NVL: variants seen among roughly 807,000 people sequenced by gnomAD.
NVL encodes nuclear VCP like, also known as nuclear valosin-containing protein-like.
A neutral mutation model predicts 110.2 loss-of-function variants in NVL; 84 were observed. The observed-to-expected ratio is 0.76, with a 90% CI of 0.64 to 0.91. The LOEUF (loss-of-function observed/expected upper bound fraction) is 0.91, where lower values mean the gene tolerates loss of function less well. Among genes scored for constraint, NVL ranks in the 40% least tolerant of loss-of-function variants. The pLI is 0.00. For synonymous variants in NVL, 354 were observed against 361.1 expected (o/e 0.98, Z 0.22); for missense variants, 882 against 1,035.9 (o/e 0.85, Z 2.04).
At chr1:224,235,331 C>A (rs1384788395) in intron 20 of NVL, among the ~76,000 whole-genome samples, 1 of 152,024 alleles carries the variant, frequency 6.6e-6, no homozygotes, top group Non-Finnish European at 1.5e-5. Flanking sequence ...CCATGCCCGG[C>A]TAATTTTTGT....
intron 17 of NVL, among the ~76,000 whole-genome samples, chr1:224,272,894 C>T (rs549671414): frequency 6.3e-4 from 93 of 147,062 alleles, no homozygotes; most frequent in African/African-American, 2.2e-3. Context: ...ATTAGCCGGG[C>T]GTAGTGGCGG....
chr1:224,273,958 T>A (rs1665461554), intron 17 of NVL, among the ~76,000 whole-genome samples: 1 of 152,038 alleles, frequency 6.6e-6, no homozygotes, highest in Non-Finnish European at 1.5e-5. Flanking sequence ...TTAGTCATCC[T>A]TTTTTGTGTG....
intron 1 of NVL, among the ~76,000 whole-genome samples, chr1:224,327,762 G>A (rs1275138296): frequency 6.6e-6 from 1 of 151,076 alleles, no homozygotes; most frequent in African/African-American, 2.4e-5. Context: ...TCAAGTGTGA[G>A]GACAGAGAAG....
At chr1:224,257,768 G>A (rs542361458) in intron 18 of NVL, among the ~76,000 whole-genome samples, 7 of 152,218 alleles carry the variant, frequency 4.6e-5, no homozygotes, top group Admixed American at 3.9e-4. Context: ...TTGAACTCCT[G>A]AGCTCAAACA....
chr1:224,317,602 T>C, intron 4 of NVL, 92 bp downstream of exon 4: 1 of 751,480 alleles, frequency 1.3e-6, no homozygotes, highest in Non-Finnish European at 2.3e-6. Flanking sequence ...CAGGGCTTTG[T>C]TGGCAATGAA....
At chr1:224,272,357 CAAAT>C (rs2102839497) in intron 17 of NVL, among the ~76,000 whole-genome samples, 1 of 150,966 alleles carries the variant, frequency 6.6e-6, no homozygotes, top group East Asian at 1.9e-4. Flanking sequence ...AAAAAAAAAT[CAAAT>C]AAAAAGAAAC....
intron 19 of NVL, among the ~76,000 whole-genome samples, chr1:224,248,374 A>C (rs934088415): frequency 6.6e-6 from 1 of 152,088 alleles, no homozygotes; most frequent in Non-Finnish European, 1.5e-5. Context: ...GCTTAATTTC[A>C]TAACTTTTAC....
At chr1:224,253,184 A>G (rs1662705676) in intron 18 of NVL, among the ~76,000 whole-genome samples, 1 of 151,648 alleles carries the variant, frequency 6.6e-6, no homozygotes, top group Admixed American at 6.6e-5. Context: ...AGCTGAGATT[A>G]CAAGTGTGCC....
chr1:224,299,567 A>T (rs1394188921), intron 10 of NVL, among the ~76,000 whole-genome samples: 3 of 152,214 alleles, frequency 2.0e-5, no homozygotes, highest in African/African-American at 7.2e-5. Flanking sequence ...CTAACAACCT[A>T]AAGATGCCAT....
Position 224,308,131 on chromosome 1 carries a change from A to G in NVL, c.475T>C (p.Ser159Pro). 1 of 1,614,084 alleles carries G rather than the reference A, an allele frequency of 6.2e-7. No homozygotes were observed. Among genetic ancestry groups the G allele is most frequent in the Non-Finnish European group, 8.5e-7 (1 of 1,179,998 alleles). Reference sequence around the variant, plus strand: ...TTGGCAGGGGTCTTCAAGGGAATGGAGCCTGTTTTGGAACTTATCCGTGGT... The same window carrying G: ...TTGGCAGGGGTCTTCAAGGGAATGGGGCCTGTTTTGGAACTTATCCGTGGT... ...STPRISSKTG[S>P]IPLKTPAKDS... The change falls in exon 6 of 23, where the codon TCC (serine) becomes CCC (proline). Residue 159 changes from serine (S) to proline (P), a missense_variant. By Grantham distance (74) the Ser-to-Pro change is moderately conservative. This residue lies in a region of NVL where 274 missense variants were observed against 268.4 expected (regional missense o/e 1.02). Transcript: ENST00000281701.
At chr1:224,244,363 G>T (rs892909464) in intron 19 of NVL, among the ~76,000 whole-genome samples, 1 of 150,574 alleles carries the variant, frequency 6.6e-6, no homozygotes, top group East Asian at 2.0e-4. Flanking sequence ...GCAAAACTCC[G>T]TCTCAAAAAA....
intron 4 of NVL, chr1:224,312,944 T>C (rs1224154613): frequency 6.5e-6 from 1 of 153,962 alleles, no homozygotes; most frequent in East Asian, 1.9e-4. Flanking sequence ...ATAATTAAGA[T>C]ATTAAGATAC....
Position 224,308,019 on chromosome 1 carries a change from T to C in NVL, c.587A>G (p.Asn196Ser), listed in dbSNP as rs1033454331. 2.6e-6 allele frequency: 4 copies of C among 1,546,802 alleles called. No individual in the cohort carries two copies. In the African/African-American group the frequency reaches 5.5e-5, roughly 21 times the overall value. Residue 196 changes from asparagine to serine, a missense_variant, in exon 6 of 23, where the codon AAT becomes AGT. Coordinates refer to ENST00000281701, the MANE Select transcript of NVL (RefSeq NM_002533.4). ...FFLDLSCEKS[N>S]PKKPITEIQD... ...TATCTCAGTTATTGGCTTCTTAGGA[T>C]TACTTTTCTCACATGACAGGTCCAA...
At chr1:224,305,299 A>C in intron 6 of NVL, 133 bp from the exon 7 acceptor site, 2 of 842,798 alleles carry the variant, frequency 2.4e-6, no homozygotes, top group Non-Finnish European at 3.6e-6. Flanking sequence ...ACTATTCCCA[A>C]TCTCTTTGCT....
chr1:224,235,031 G>T (rs1660308782), intron 20 of NVL, among the ~76,000 whole-genome samples: 1 of 152,042 alleles, frequency 6.6e-6, no homozygotes. Context: ...TTGAACTCCT[G>T]GCCTCAAACA....
intron 18 of NVL, among the ~76,000 whole-genome samples, chr1:224,258,466 C>A (rs1287762687): frequency 6.6e-6 from 1 of 152,136 alleles, no homozygotes; most frequent in East Asian, 1.9e-4. Flanking sequence ...AATGATGCAG[C>A]CACTTTGGAA....
intron 2 of NVL, among the ~76,000 whole-genome samples, chr1:224,322,243 AT>A (rs34841668): frequency 0.059 from 7,755 of 131,768 alleles, 592 homozygotes; most frequent in African/African-American, 0.19. Flanking sequence ...TGCCACGCTA[AT>A]TTTTTTTTTT....
At chr1:224,307,900 C>G in intron 6 of NVL, 91 bp downstream of exon 6, 1 of 1,290,190 alleles carries the variant, frequency 7.8e-7, no homozygotes, top group South Asian at 1.8e-5. Flanking sequence ...ATGCCTTCCA[C>G]AAAACACAAG....
intron 14 of NVL, 139 bp from the exon 15 acceptor site, chr1:224,286,269 T>A: frequency 1.6e-6 from 1 of 633,178 alleles, no homozygotes; most frequent in Non-Finnish European, 2.7e-6. Flanking sequence ...GCAGTGGTGC[T>A]ATCTTGGCTC....
Sources: gnomAD v4.1 joint callset for allele counts (sites outside exome capture counted in the v4.1 genomes callset) on GRCh38, gnomAD v4.1.1 for gene constraint, gnomAD v4.1.1 regional missense constraint, MANE v1.5 for transcripts, NCBI Gene and HGNC (gene_info 2026-07-23, HGNC 2026-07-21) for gene names.